The following ZNF479 variants were observed in gnomAD, a reference collection of about 807,000 sequenced individuals.
ZNF479 encodes KRAB zinc finger protein KR19.
In ZNF479, 15 loss-of-function variants were observed where a neutral mutation model predicts 14.7. The observed-to-expected ratio is 1.02, with a 90% CI of 0.68 to 1.57. The LOEUF is 1.57. Among genes scored for constraint, ZNF479 ranks in the 40% most tolerant of loss-of-function variants. The pLI is 0.00. For missense variants in ZNF479, 506 were observed against 615.1 expected (o/e 0.82, Z 1.88); for synonymous variants, 145 against 211.5 (o/e 0.69, Z 2.73).
chr7:57,129,667 T>TG (rs1786333126), intron 1 of ZNF479, among the ~76,000 whole-genome samples: 1 of 152,172 alleles, frequency 6.6e-6, no homozygotes, highest in South Asian at 2.1e-4. Context: ...CACAGAACAC[T>TG]GCGCTGGGAA....
At chr7:57,128,237 C>T (rs1176487169) in intron 1 of ZNF479, among the ~76,000 whole-genome samples, 1 of 152,088 alleles carries the variant, frequency 6.6e-6, no homozygotes, top group African/African-American at 2.4e-5. Context: ...TTGTGTCTGG[C>T]CTAAATTTAA....
Position 57,122,428 on chromosome 7 carries a change from T to C in ZNF479, c.263-1276A>G, listed in dbSNP as rs184344533. ...TTAAAATAACATGATGAAAAATATA[T>C]GTAATCATATGAAAATACATAACTT... On this transcript the variant is annotated intron_variant, in intron 3 of 3. Coordinates refer to ENST00000319636, the MANE Select transcript of ZNF479 (RefSeq NM_001370129.2). 3.4e-3 allele frequency among the ~76,000 whole-genome samples: 518 copies of C among 151,688 alleles called. 4 individuals are homozygous for C. The highest frequency in any genetic ancestry group is 0.01 in the Middle Eastern group (3 of 294).
intron 3 of ZNF479, among the ~76,000 whole-genome samples, chr7:57,123,874 T>C (rs1786051305): frequency 6.6e-6 from 1 of 151,764 alleles, no homozygotes; most frequent in South Asian, 2.1e-4. Flanking sequence ...CAGTATATGT[T>C]TTCTAACCCA....
intron 1 of ZNF479, among the ~76,000 whole-genome samples, chr7:57,138,503 C>T (rs997138773): frequency 6.6e-6 from 1 of 152,136 alleles, no homozygotes; most frequent in Non-Finnish European, 1.5e-5. Context: ...TATTGACCAT[C>T]CAATGTGGAT....
upstream of ZNF479, among the ~76,000 whole-genome samples, chr7:57,134,669 T>TA (rs921216276): frequency 2.1e-5 from 3 of 142,726 alleles, no homozygotes; most frequent in African/African-American, 7.7e-5. Context: ...TTCTATCTTT[T>TA]TTTTTTTTTT....
At chr7:57,136,713 G>T (rs927859029), upstream of ZNF479, among the ~76,000 whole-genome samples, 5 of 152,170 alleles carry the variant, frequency 3.3e-5, no homozygotes, top group Admixed American at 1.3e-4. Context: ...CACAGTGGCA[G>T]CCCGGGTTCA....
At position 57,120,302 on chromosome 7, in the gene ZNF479, A is replaced by T; in HGVS notation, c.1113T>A (p.His371Gln). The change falls in exon 4 of 4, where the codon CAT (histidine) becomes CAA (glutamine). Residue 371 changes from histidine (H) to glutamine (Q), a missense_variant. Coordinates refer to ENST00000319636, the MANE Select transcript of ZNF479 (RefSeq NM_001370129.2). ...GTTTCTCTCCAGTATGAATTCTCCT[A>T]TGTCTCATAAGGTTCGAGGATAAGC... Reference protein sequence around the residue: ...AFSLSSNLMRHRRIHTGEKPY... With the variant: ...AFSLSSNLMRQRRIHTGEKPY... The T allele has an allele frequency of 6.2e-7, 1 of 1,608,540 alleles. No individual in the cohort carries two copies. Among genetic ancestry groups the T allele is most frequent in the Non-Finnish European group, 8.5e-7 (1 of 1,177,122 alleles).
rs1283993292 is a variant in ZNF479, at chr7:57,119,831, T to C, written c.*9A>G. The C allele has an allele frequency of 6.2e-7, 1 of 1,610,304 alleles. No homozygotes were observed. Among genetic ancestry groups the C allele is most frequent in the Admixed American group, 1.7e-5 (1 of 59,560 alleles). On this transcript the variant is annotated 3_prime_UTR_variant, in exon 4 of 4. Coordinates refer to ENST00000319636, the MANE Select transcript of ZNF479 (RefSeq NM_001370129.2). ...TGTATTATAAGGCCTGAGGGTGGAC[T>C]TTGCCATATTATTCACATTTGTAGG... is the stretch of plus-strand genomic sequence containing the variant.
At chr7:57,132,135 G>C in intron 1 of ZNF479, 151 bp downstream of exon 1, 4 of 1,393,772 alleles carry the variant, frequency 2.9e-6, no homozygotes, top group Non-Finnish European at 4.0e-6. Context: ...TCTTGCGGCT[G>C]GAGGGGACGA....
At chr7:57,132,135 G>T in intron 1 of ZNF479, 151 bp downstream of exon 1, 1 of 1,393,768 alleles carries the variant, frequency 7.2e-7, no homozygotes, top group Non-Finnish European at 1.0e-6. Flanking sequence ...TCTTGCGGCT[G>T]GAGGGGACGA....
chr7:57,127,160 C>T (rs1364612669), intron 1 of ZNF479, among the ~76,000 whole-genome samples: 1 of 151,516 alleles, frequency 6.6e-6, no homozygotes, highest in African/African-American at 2.4e-5. Flanking sequence ...GTAGCTGGGA[C>T]TACAGGCATG....
Position 57,120,833 on chromosome 7 carries a change from A to G in ZNF479, c.582T>C (p.Phe194=), listed in dbSNP as rs1785903276. The change falls in exon 4 of 4, where the codon TTT becomes TTC. Residue 194 remains phenylalanine, a synonymous_variant. Transcript: ENST00000319636. ...HFKCNKYGKS[F]CMLSHLNQHQ... ...GTTGATTTAGGTGTGAAAGCATGCAAAATGATTTGCCATATTTGTTACATT... is the reference window on the plus strand; with the variant it reads ...GTTGATTTAGGTGTGAAAGCATGCAGAATGATTTGCCATATTTGTTACATT... The G allele has an allele frequency of 6.2e-7, 1 of 1,613,642 alleles. No individual in the cohort carries two copies.
At position 57,126,607 on chromosome 7, in the gene ZNF479, T is replaced by C. The variant is rs1243187666; in HGVS notation, c.151A>G (p.Asn51Asp). The C allele has an allele frequency of 6.2e-7, 1 of 1,613,718 alleles. No individual in the cohort carries two copies. The highest frequency in any genetic ancestry group is 1.1e-5 in the South Asian group (1 of 90,982). The change falls in exon 2 of 4, where the codon AAC becomes GAC. Residue 51 changes from asparagine (N) to aspartate (D), a missense_variant. Physicochemically the swap from Asn to Asp is conservative, Grantham distance 23. Coordinates refer to ENST00000319636, the MANE Select transcript of ZNF479 (RefSeq NM_001370129.2). The part of the protein sequence containing the change: ...YRDVMLENYR[N>D]LVSLGIAVSK... Reference sequence around the variant, plus strand: ...TTATCCTCACCCAGGGAGACCAGGTTTCTGTAGTTCTCTAACATCACATCT... The same window carrying C: ...TTATCCTCACCCAGGGAGACCAGGTCTCTGTAGTTCTCTAACATCACATCT...
chr7:57,134,733 G>A (rs1459946816), upstream of ZNF479, among the ~76,000 whole-genome samples: 1 of 142,082 alleles, frequency 7.0e-6, no homozygotes, highest in Admixed American at 7.5e-5. Context: ...GGAGTGCAGT[G>A]GCGCCATCTC....
At position 57,117,868 on chromosome 7, in the gene ZNF479, A is replaced by C. The variant is rs141675505; in HGVS notation, c.*1972T>G. Among the ~76,000 whole-genome samples the C allele has an allele frequency of 9.2e-4, 140 of 152,386 alleles. No homozygotes were observed. The highest frequency in any genetic ancestry group is 1.7e-3 in the Non-Finnish European group (118 of 68,044). ...GAAACTATTTTTTTATAGAAGAAAG[A>C]AGCATACCTCGAAGGTAATTATGAA... On this transcript the variant is annotated 3_prime_UTR_variant, in exon 4 of 4. Transcript: ENST00000319636.
At chr7:57,130,897 A>T (rs2115890640) in intron 1 of ZNF479, among the ~76,000 whole-genome samples, 1 of 152,354 alleles carries the variant, frequency 6.6e-6, no homozygotes. Flanking sequence ...CGTCGTATGT[A>T]AACACCACGA....
chr7:57,136,728 T>C (rs1347875131), upstream of ZNF479, among the ~76,000 whole-genome samples: 4 of 152,190 alleles, frequency 2.6e-5, no homozygotes, highest in African/African-American at 7.2e-5. Flanking sequence ...GGTTCAGGGT[T>C]CAATTTCTGG....
rs782651126 is a variant in ZNF479 at position 57,120,289 on chromosome 7, T to C, written c.1126A>G (p.Thr376Ala). The C allele has an allele frequency of 1.2e-6, 2 of 1,609,408 alleles. No individual in the cohort carries two copies. The highest frequency in any genetic ancestry group is 1.3e-5 in the African/African-American group (1 of 74,766). ...TCACATGTGTAGGGTTTCTCTCCAGTATGAATTCTCCTATGTCTCATAAGG... is the reference window on the plus strand; with the variant it reads ...TCACATGTGTAGGGTTTCTCTCCAGCATGAATTCTCCTATGTCTCATAAGG... ...SNLMRHRRIH[T>A]GEKPYTCEEC... The change falls in exon 4 of 4, where the codon ACT becomes GCT. Residue 376 changes from threonine (T) to alanine (A), a missense_variant. Physicochemically the swap from Thr to Ala is moderately conservative, Grantham distance 58 (BLOSUM62 0). Around this residue, in one of 3 missense-constraint regions of ZNF479, gnomAD observed 420 missense variants for 474.2 expected, o/e 0.89. Transcript: ENST00000319636.
At chr7:57,132,735 T>G (rs1438743596), upstream of ZNF479, among the ~76,000 whole-genome samples, 1 of 152,244 alleles carries the variant, frequency 6.6e-6, no homozygotes, top group Non-Finnish European at 1.5e-5. Context: ...ATTCATAAAT[T>G]GAAATAATGA....
Sources: allele counts gnomAD v4.1 joint callset (sites outside exome capture counted in the v4.1 genomes callset), GRCh38; gene constraint gnomAD v4.1.1; regional missense constraint gnomAD v4.1.1; transcripts MANE v1.5; gene names NCBI Gene and HGNC (gene_info 2026-07-23, HGNC 2026-07-21).